Variants in LTBP4 observed in about 807,000 individuals in gnomAD.
LTBP4 encodes latent-transforming growth factor beta-binding protein 4.
A neutral mutation model predicts 180.2 loss-of-function variants in LTBP4; 93 were observed. That is an observed-to-expected ratio of 0.52 (90% CI 0.44 to 0.61). The LOEUF is 0.61. LTBP4 is among the 20% of genes least tolerant of loss of function. LTBP4 has a pLI of 0.00. For missense variants in LTBP4, 2,116 were observed against 2,256.5 expected (o/e 0.94, Z 1.26); for synonymous variants, 947 against 934.5 (o/e 1.01, Z -0.24).
intron 1 of LTBP4, among the ~76,000 whole-genome samples, chr19:40,602,147 GTGTGT>G: frequency 1.3e-5 from 1 of 74,164 alleles, no homozygotes. Context: ...GACGGGGGTT[GTGTGT>G]GTGTGTGTGT....
At position 40,629,061 on chromosome 19, in the gene LTBP4, G is replaced by A. The variant is rs1467950078; in HGVS notation, c.4520-335G>A. 1.3e-5 allele frequency among the ~76,000 whole-genome samples: 2 copies of A among 152,020 alleles called. No individual in the cohort carries two copies. Among genetic ancestry groups the A allele is most frequent in the African/African-American group, 4.8e-5 (2 of 41,388 alleles). ...GACGGGGTCTCACCATGTTGGCCAGGTTCGTCTCGAACTCCGGCCTCAAGT... is the reference window on the plus strand; with the variant it reads ...GACGGGGTCTCACCATGTTGGCCAGATTCGTCTCGAACTCCGGCCTCAAGT... On this transcript the variant is annotated intron_variant, in intron 29 of 29. Coordinates refer to ENST00000396819, the MANE Select transcript of LTBP4 (RefSeq NM_001042545.2). The surrounding 1 kb of genome is among the most constrained non-coding windows in gnomAD (Gnocchi z 4.5).
chr19:40,611,046 A>C lies in LTBP4; in HGVS notation c.1811-106A>C. The C allele has an allele frequency of 6.9e-7, 1 of 1,453,632 alleles. No homozygotes were observed. The highest frequency in any genetic ancestry group is 9.5e-7 in the Non-Finnish European group (1 of 1,055,664). The allele number at this position is 1,453,632 out of a possible 1,614,324, so 90.0% of individuals were successfully genotyped here. ...TCAGATGATGGTGACAAGGAGGAATAGAGATGGGGTCACGGGGACAGAATG... is the reference window on the plus strand; with the variant it reads ...TCAGATGATGGTGACAAGGAGGAATCGAGATGGGGTCACGGGGACAGAATG... On this transcript the variant is annotated intron_variant, in intron 12 of 29. Coordinates refer to ENST00000396819, the MANE Select transcript of LTBP4 (RefSeq NM_001042545.2). The surrounding 1 kb of genome is among the most constrained non-coding windows in gnomAD (Gnocchi z 4.4).
chr19:40,604,832 T>G (rs891929906), intron 1 of LTBP4, among the ~76,000 whole-genome samples: 2 of 152,108 alleles, frequency 1.3e-5, no homozygotes, highest in Non-Finnish European at 2.9e-5. Flanking sequence ...TAGAGCGAGA[T>G]CCTGCCGACT....
At chr19:40,626,853 A>T (rs545590667) in intron 27 of LTBP4, 122 bp from the exon 28 acceptor site, 1 of 1,250,600 alleles carries the variant, frequency 8.0e-7, no homozygotes, top group South Asian at 2.2e-5. Flanking sequence ...GGCTCCAGAA[A>T]CCCCGGGGCC....
chr19:40,615,197 G>GTGGGT (rs1555737767), intron 19 of LTBP4: 1 of 146,038 alleles, frequency 6.8e-6, no homozygotes, highest in African/African-American at 2.6e-5. Context: ...TGTCGGCGGG[G>GTGGGT]GGGGGGGGGC....
At chr19:40,627,454 A>T in intron 28 of LTBP4, 99 bp downstream of exon 28, 1 of 1,393,936 alleles carries the variant, frequency 7.2e-7, no homozygotes, top group Non-Finnish European at 9.4e-7. Context: ...GACGGAACAC[A>T]GGTGCAACTG....
At position 40,611,885 on chromosome 19, in the gene LTBP4, C is replaced by G; in HGVS notation, c.2080C>G (p.Pro694Ala). ...TGTGGATGAGTGTGCCCGAAGCCCC[C>G]CACCCTGCACCTACGGCCGGTGTGA... ...QDVDECARSP[P>A]PCTYGRCENT... The change falls in exon 14 of 30, where the codon CCA becomes GCA. Residue 694 changes from proline (P) to alanine (A), a missense_variant. Pro to Ala is a conservative substitution (Grantham distance 27). Coordinates refer to ENST00000396819, the MANE Select transcript of LTBP4 (RefSeq NM_001042545.2). The surrounding 1 kb of genome is among the most constrained non-coding windows in gnomAD (Gnocchi z 4.4). The G allele has an allele frequency of 1.9e-6, 3 of 1,608,242 alleles. No homozygotes were observed. Among genetic ancestry groups the G allele is most frequent in the Non-Finnish European group, 1.7e-6 (2 of 1,177,616 alleles).
intron 22 of LTBP4, among the ~76,000 whole-genome samples, chr19:40,621,611 G>A (rs2081586796): frequency 6.6e-6 from 1 of 152,104 alleles, no homozygotes; most frequent in Admixed American, 6.6e-5. Context: ...CAGGGGCCTG[G>A]ACAGGAGAGA....
At position 40,629,731 on chromosome 19, in the gene LTBP4, A is replaced by T; in HGVS notation, c.*181A>T. 1 of 531,992 alleles carries T rather than the reference A, an allele frequency of 1.9e-6. No individual in the cohort carries two copies. Among genetic ancestry groups the T allele is most frequent in the Non-Finnish European group, 2.8e-6 (1 of 355,576 alleles). The allele number at this position is 531,992 out of a possible 1,614,324, so 33.0% of individuals were successfully genotyped here. ...CCGCCTCCACCAGCGCCTCCCACTG[A>T]TGTCGTGGTCCCGGGCCTGGCCCAG... On this transcript the variant is annotated 3_prime_UTR_variant, in exon 30 of 30. Transcript: ENST00000396819. The surrounding 1 kb of genome is among the most constrained non-coding windows in gnomAD (Gnocchi z 4.5).
chr19:40,615,193 C>CGGT (rs780657979), intron 19 of LTBP4: 1 of 23,598 alleles, frequency 4.2e-5, no homozygotes, highest in Admixed American at 3.9e-4. Flanking sequence ...TTTGTGTCGG[C>CGGT]GGGGGGGGGG....
intron 22 of LTBP4, among the ~76,000 whole-genome samples, chr19:40,621,474 G>A (rs2081585789): frequency 6.6e-6 from 1 of 152,196 alleles, no homozygotes; most frequent in South Asian, 2.1e-4. Context: ...TCATGGCTGT[G>A]TAGTATTCAT....
chr19:40,612,408 C>T (rs973314190), intron 15 of LTBP4, among the ~76,000 whole-genome samples: 1 of 152,170 alleles, frequency 6.6e-6, no homozygotes, highest in South Asian at 2.1e-4. Context: ...CCCTAACCAT[C>T]ACCCTTGATG....
Position 40,605,943 on chromosome 19 carries a change from C to G in LTBP4, c.793+112C>G. 8.2e-7 allele frequency: 1 copy of G among 1,221,672 alleles called. No individual in the cohort carries two copies. The highest frequency in any genetic ancestry group is 1.1e-6 in the Non-Finnish European group (1 of 888,686). 75.7% of individuals were successfully genotyped at this position (1,221,672 alleles called of 1,614,324 possible). ...AGTTCACAAATTGTAGCCACGCCTACCCCATTGTGGAGGCGACTTCCAGTC... is the reference window on the plus strand; with the variant it reads ...AGTTCACAAATTGTAGCCACGCCTAGCCCATTGTGGAGGCGACTTCCAGTC... On this transcript the variant is annotated intron_variant, in intron 4 of 29. Transcript: ENST00000396819. The surrounding 1 kb of genome is among the most constrained non-coding windows in gnomAD (Gnocchi z 5.5).
rs1423210562 is a variant in LTBP4 at position 40,601,387 on chromosome 19, C to A, written c.-1C>A. The A allele has an allele frequency of 1.6e-6, 2 of 1,280,048 alleles. No individual in the cohort carries two copies. Among genetic ancestry groups the A allele is most frequent in the Non-Finnish European group, 2.0e-6 (2 of 1,008,496 alleles). 79.3% of individuals were successfully genotyped at this position (1,280,048 alleles called of 1,614,324 possible). On this transcript the variant is annotated 5_prime_UTR_variant, in exon 1 of 30. Transcript: ENST00000396819. ...GCGCGGCGGAGCGCGGCGCTGCAGC[C>A]ATGGCGGGCGGCGTGCGGCTGCTCT...
At chr19:40,625,274 A>T (rs867765230) in intron 26 of LTBP4, among the ~76,000 whole-genome samples, 6 of 4,182 alleles carry the variant, frequency 1.4e-3, no homozygotes, top group African/African-American at 5.1e-3. Flanking sequence ...ATATATATAT[A>T]TATATATATA....
At position 40,608,542 on chromosome 19, in the gene LTBP4, C is replaced by A. The variant is rs754251969; in HGVS notation, c.1365C>A (p.Pro455=). The A allele has an allele frequency of 6.2e-7, 1 of 1,606,148 alleles. No individual in the cohort carries two copies. The highest frequency in any genetic ancestry group is 1.3e-5 in the African/African-American group (1 of 74,942). ...CTGAACCCCGGCCCGATCCCCGGCC[C>A]GGCCCTGAGCTTCCCTTGCCCAGCA... is the stretch of plus-strand genomic sequence containing the variant. ...PRPEPRPDPR[P]GPELPLPSIP... The change falls in exon 9 of 30, where the codon CCC becomes CCA. Residue 455 remains proline, a synonymous_variant. Transcript: ENST00000396819.
intron 1 of LTBP4, among the ~76,000 whole-genome samples, chr19:40,603,158 T>A (rs2081435929): frequency 1.3e-5 from 2 of 152,306 alleles, no homozygotes; most frequent in Middle Eastern, 3.4e-3. Context: ...TTTCCCCAGA[T>A]AACTCTGTAG....
At chr19:40,623,341 T>G (rs2081600650) in intron 24 of LTBP4, among the ~76,000 whole-genome samples, 1 of 151,948 alleles carries the variant, frequency 6.6e-6, no homozygotes, top group Non-Finnish European at 1.5e-5. Context: ...CCTGGCTAAT[T>G]TTTTTGTATT....
Position 40,617,195 on chromosome 19 carries a change from G to A in LTBP4, c.3040G>A (p.Glu1014Lys), listed in dbSNP as rs541226628. The change falls in exon 21 of 30, where the codon GAG (glutamate) becomes AAG (lysine). Residue 1014 changes from glutamate (E) to lysine (K), a missense_variant. Coordinates refer to ENST00000396819, the MANE Select transcript of LTBP4 (RefSeq NM_001042545.2). ...SFQCLCDQGY[E>K]GARDGRHCVD... ...CCAGTGCCTCTGTGACCAGGGTTACGAGGGGGCACGGGATGGGCGTCACTG... is the reference window on the plus strand; with the variant it reads ...CCAGTGCCTCTGTGACCAGGGTTACAAGGGGGCACGGGATGGGCGTCACTG... 1,730 of 1,613,844 alleles carry A rather than the reference G, an allele frequency of 1.1e-3. 22 individuals carry two copies. In the South Asian group the frequency reaches 0.018, roughly 17 times the overall value.
Sources: allele counts gnomAD v4.1 joint callset (sites outside exome capture counted in the v4.1 genomes callset), GRCh38; gene constraint gnomAD v4.1.1; non-coding constraint Gnocchi (gnomAD v3.1); transcripts MANE v1.5; gene names NCBI Gene and HGNC (gene_info 2026-07-23, HGNC 2026-07-21).